The following ULK1 variants were observed in gnomAD, a reference collection of about 807,000 sequenced individuals.
ULK1 encodes serine/threonine-protein kinase ULK1.
ULK1 carries 48 observed loss-of-function variants against 117.5 expected under a neutral mutation model. The ratio of observed to expected loss-of-function variants is 0.41; its 90% CI spans 0.32 to 0.52. ULK1 has a LOEUF of 0.52. ULK1 is among the 20% of genes least tolerant of loss of function. The pLI, the probability that ULK1 is intolerant of heterozygous loss-of-function variation, is 0.29. For synonymous variants in ULK1, 790 were observed against 637.8 expected (o/e 1.24, Z -3.60); for missense variants, 1,387 against 1,473.4 (o/e 0.94, Z 0.96).
At chr12:131,907,587 C>T (rs1889327549) in intron 5 of ULK1, 56 bp downstream of exon 5, 2 of 1,575,530 alleles carry the variant, frequency 1.3e-6, no homozygotes, top group South Asian at 2.3e-5. Context: ...GGCCCGCACC[C>T]AGGGCCACAC....
At position 131,922,319 on chromosome 12, in the gene ULK1, C is replaced by T. The variant is rs1222481285; in HGVS notation, c.*958C>T. ...CACCTGTGTTGGTGGCTGTCCCCTGCCGCCCCTCCCTGTGGCAGCAGCAGG... is the reference window on the plus strand; with the variant it reads ...CACCTGTGTTGGTGGCTGTCCCCTGTCGCCCCTCCCTGTGGCAGCAGCAGG... On this transcript the variant is annotated 3_prime_UTR_variant, in exon 28 of 28. Transcript: ENST00000321867. 4 of 323,778 alleles carry T rather than the reference C, an allele frequency of 1.2e-5. No individual in the cohort carries two copies. The highest frequency in any genetic ancestry group is 6.1e-6 in the Non-Finnish European group (1 of 163,348). 20.1% of individuals were successfully genotyped at this position (323,778 alleles called of 1,614,324 possible).
rs1889412540 is a variant in ULK1, at chr12:131,909,222, G to A, written c.651G>A (p.Gly217=). The A allele has an allele frequency of 3.1e-6, 5 of 1,603,238 alleles. No individual in the cohort carries two copies. The highest frequency in any genetic ancestry group is 4.3e-6 in the Non-Finnish European group (5 of 1,175,592). ...CCATCGTCTACCAGTGCCTGACGGG[G>A]AAGGCGCCCTTCCAGGTAACTGGGC... The part of the protein sequence containing the change: ...IGTIVYQCLT[G]KAPFQASSPQ... Residue 217 remains glycine, a synonymous_variant, in exon 8 of 28, where the codon GGG becomes GGA. Transcript: ENST00000321867.
chr12:131,908,416 G>A (rs561226028), intron 5 of ULK1, among the ~76,000 whole-genome samples: 1 of 152,212 alleles, frequency 6.6e-6, no homozygotes, highest in African/African-American at 2.4e-5. Context: ...GCTGCAGCCC[G>A]GGGCTGAGTG....
Position 131,895,832 on chromosome 12 carries a change from C to T in ULK1, c.246+8C>T. 1 of 1,614,110 alleles carries T rather than the reference C, an allele frequency of 6.2e-7. No individual in the cohort carries two copies. Among genetic ancestry groups the T allele is most frequent in the Non-Finnish European group, 8.5e-7 (1 of 1,180,012 alleles). ...GCCCTGTACGACTTCCAGGTAAGGC[C>T]TCTGGGCTGCGGTCTGCTGGGGACC... On this transcript the variant is annotated splice_region_variant and intron_variant, in intron 3 of 27. Transcript: ENST00000321867.
chr12:131,909,030 T>C lies in ULK1; in HGVS notation c.564+59T>C. The C allele has an allele frequency of 2.5e-6, 4 of 1,611,844 alleles. No homozygotes were observed. In the Admixed American group the frequency reaches 5.0e-5, roughly 20 times the overall value. On this transcript the variant is annotated intron_variant, in intron 7 of 27. Transcript: ENST00000321867. ...GCGCCTCTCTGGGCTTGCTGGTTGG[T>C]TGGCTGGCGTGTGGTGCGCTCTGCT...
chr12:131,910,332 G>A (rs569573631), intron 11 of ULK1, 28 bp downstream of exon 11: 8 of 1,613,076 alleles, frequency 5.0e-6, no homozygotes, highest in South Asian at 4.4e-5. Context: ...CTGGGGCTCC[G>A]CATGGGCCCT....
chr12:131,917,925 G>T (rs940629481), intron 22 of ULK1, among the ~76,000 whole-genome samples: 2 of 152,222 alleles, frequency 1.3e-5, no homozygotes, highest in Admixed American at 1.3e-4. Context: ...GTGCAGACAG[G>T]CGTGCCCCTC....
At position 131,908,774 on chromosome 12, in the gene ULK1, C is replaced by T. The variant is rs377658393; in HGVS notation, c.447C>T (p.Pro149=). ...CGCAGAACATCCTGCTGTCCAACCC[C>T]GCCGGCCGCCGCGCCAACCCCAACA... The part of the protein sequence containing the change: ...LKPQNILLSN[P]AGRRANPNSI... Residue 149 remains proline (P), a synonymous_variant, in exon 6 of 28, where the codon CCC becomes CCT. Transcript: ENST00000321867. 16 of 1,607,250 alleles carry T rather than the reference C, an allele frequency of 1.0e-5. No individual in the cohort carries two copies. In the African/African-American group the frequency reaches 1.2e-4, roughly 12 times the overall value.
intron 3 of ULK1, among the ~76,000 whole-genome samples, chr12:131,905,454 G>A (rs187255598): frequency 1.2e-4 from 18 of 152,238 alleles, no homozygotes; most frequent in African/African-American, 4.1e-4. Flanking sequence ...CTCCAGACAC[G>A]GCTCCCCTTT....
Position 131,916,071 on chromosome 12 carries a change from A to G in ULK1, c.1790A>G (p.Gln597Arg), listed in dbSNP as rs1399706929. The G allele has an allele frequency of 1.2e-6, 2 of 1,611,782 alleles. No homozygotes were observed. The highest frequency in any genetic ancestry group is 4.5e-5 in the East Asian group (2 of 44,818). The change falls in exon 19 of 28, where the codon CAG (glutamine) becomes CGG (arginine). Residue 597 changes from glutamine (Q) to arginine (R), a missense_variant. Gln to Arg is a conservative substitution (Grantham distance 43). Coordinates refer to ENST00000321867, the MANE Select transcript of ULK1 (RefSeq NM_003565.4). ...CCTCCCCAGCCGTCCCACGGCCTGC[A>G]GTCCTGCCGGAACCTGCGGGGCTCA... is the stretch of plus-strand genomic sequence containing the variant. The part of the protein sequence containing the change: ...ASPPQPSHGL[Q>R]SCRNLRGSPK...
intron 11 of ULK1, among the ~76,000 whole-genome samples, 184 bp downstream of exon 11, chr12:131,910,488 G>A (rs555435854): frequency 6.6e-6 from 1 of 152,250 alleles, no homozygotes; most frequent in African/African-American, 2.4e-5. Flanking sequence ...CCAGGGGTTC[G>A]CATGGTGCAG....
intron 19 of ULK1, 63 bp from the exon 20 acceptor site, chr12:131,916,335 A>G (rs1889781644): frequency 2.0e-6 from 3 of 1,522,094 alleles, no homozygotes; most frequent in Non-Finnish European, 2.6e-6. Flanking sequence ...CCCCTTCCCC[A>G]GGCACCGGGC....
intron 19 of ULK1, 118 bp from the exon 20 acceptor site, chr12:131,916,280 A>T (rs755004017): frequency 1.6e-5 from 24 of 1,507,038 alleles, no homozygotes; most frequent in Non-Finnish European, 2.1e-5. Flanking sequence ...GCCTGGGCTC[A>T]TGCTCAGGCT....
intron 10 of ULK1, 55 bp downstream of exon 10, chr12:131,910,056 G>A: frequency 6.3e-7 from 1 of 1,599,268 alleles, no homozygotes; most frequent in Non-Finnish European, 8.5e-7. Context: ...CCTTGCATTT[G>A]CTGATGTGAG....
In ULK1 at chr12:131,913,782, A is replaced by C; in HGVS notation, c.1193A>C (p.His398Pro). 1 of 1,576,846 alleles carries C rather than the reference A, an allele frequency of 6.3e-7. No homozygotes were observed. The highest frequency in any genetic ancestry group is 1.4e-5 in the African/African-American group (1 of 72,518). Reference sequence around the variant, plus strand: ...GTGGCCTCTGCGGGCTTGGAGAGCCACGGCCGGACCCCATCTCCATCCCCA... The same window carrying C: ...GTGGCCTCTGCGGGCTTGGAGAGCCCCGGCCGGACCCCATCTCCATCCCCA... ...SLVASAGLESHGRTPSPSPPC... is the reference protein window; with the variant it reads ...SLVASAGLESPGRTPSPSPPC... The change falls in exon 15 of 28, where the codon CAC (histidine) becomes CCC (proline). Residue 398 changes from histidine to proline, a missense_variant. Coordinates refer to ENST00000321867, the MANE Select transcript of ULK1 (RefSeq NM_003565.4).
chr12:131,906,656 A>T (rs1156821268), intron 3 of ULK1: 9 of 589,264 alleles, frequency 1.5e-5, no homozygotes, highest in Non-Finnish European at 2.7e-5. Flanking sequence ...TGTTGCTCTT[A>T]TGGGGGGACC....
In ULK1 at chr12:131,912,107, G is replaced by A. The variant is rs1157399430; in HGVS notation, c.1096+18G>A. On this transcript the variant is annotated intron_variant, in intron 13 of 27. Coordinates refer to ENST00000321867, the MANE Select transcript of ULK1 (RefSeq NM_003565.4). Reference sequence around the variant, plus strand: ...GTTTCCAGGTCAGGGGGCACGCTGGGCTTGGAGGTGACGCCTCAGGTGCGG... The same window carrying A: ...GTTTCCAGGTCAGGGGGCACGCTGGACTTGGAGGTGACGCCTCAGGTGCGG... The A allele has an allele frequency of 1.2e-6, 2 of 1,606,234 alleles. No individual in the cohort carries two copies. Among genetic ancestry groups the A allele is most frequent in the Admixed American group, 3.4e-5 (2 of 59,290 alleles).
At position 131,915,441 on chromosome 12, in the gene ULK1, G is replaced by C; in HGVS notation, c.1609+20G>C. Reference sequence around the variant, plus strand: ...GTCCAGGTGGGTGCAGTCCGGAGGGGGGAGGGGGTGCTAGGCTGACCTCCC... The same window carrying C: ...GTCCAGGTGGGTGCAGTCCGGAGGGCGGAGGGGGTGCTAGGCTGACCTCCC... On this transcript the variant is annotated intron_variant, in intron 18 of 27. Transcript: ENST00000321867. 1 of 1,610,506 alleles carries C rather than the reference G, an allele frequency of 6.2e-7. No individual in the cohort carries two copies. Among genetic ancestry groups the C allele is most frequent in the Non-Finnish European group, 8.5e-7 (1 of 1,179,442 alleles).
At position 131,915,648 on chromosome 12, in the gene ULK1, C is replaced by T. The variant is rs564439987; in HGVS notation, c.1609+227C>T. On this transcript the variant is annotated intron_variant, in intron 18 of 27. Coordinates refer to ENST00000321867, the MANE Select transcript of ULK1 (RefSeq NM_003565.4). ...GGCTGAGGGTCAGGTTTAAGAGTGGCGCCTCAGCTACTCGGGAGGCTGAGG... is the reference window on the plus strand; with the variant it reads ...GGCTGAGGGTCAGGTTTAAGAGTGGTGCCTCAGCTACTCGGGAGGCTGAGG... Among the ~76,000 whole-genome samples the T allele has an allele frequency of 3.3e-5, 5 of 152,210 alleles. No homozygotes were observed. In the South Asian group the frequency reaches 8.3e-4, roughly 25 times the overall value.
Sources: gnomAD v4.1 joint callset for allele counts (sites outside exome capture counted in the v4.1 genomes callset) on GRCh38, gnomAD v4.1.1 for gene constraint, MANE v1.5 for transcripts, NCBI Gene and HGNC (gene_info 2026-07-23, HGNC 2026-07-21) for gene names.